Variants in SORBS2 observed in about 807,000 individuals in gnomAD.
SORBS2 encodes the protein sorbin and SH3 domain containing 2.
In SORBS2, 46 loss-of-function variants were observed where a neutral mutation model predicts 97.7. That is an observed-to-expected ratio of 0.47 (90% CI 0.37 to 0.60). SORBS2 has a LOEUF of 0.60. Ranked by LOEUF, SORBS2 falls within the 20% of genes least tolerant of loss-of-function variation. The pLI, the probability that SORBS2 is intolerant of heterozygous loss-of-function variation, is 0.00. For synonymous variants in SORBS2, 476 were observed against 473.4 expected (o/e 1.01, Z -0.07); for missense variants, 1,316 against 1,282.3 (o/e 1.03, Z -0.40).
chr4:185,588,583 C>T lies in SORBS2; in HGVS notation c.2954-895G>A, dbSNP rs970541722. On this transcript the variant is annotated intron_variant, in intron 14 of 14. Coordinates refer to ENST00000418609, the Ensembl canonical transcript of SORBS2. ...TTCCTTGGCTAGGCAAGCCATTTTA[C>T]GTTTCTCCTCCCTCCTCCTCCTCCC... is the stretch of plus-strand genomic sequence containing the variant. 2.0e-4 allele frequency among the ~76,000 whole-genome samples: 11 copies of T among 55,082 alleles called. No individual in the cohort carries two copies. In the South Asian group the frequency reaches 2.8e-3, roughly 14 times the overall value. 36.1% of individuals were successfully genotyped at this position (55,082 alleles called of 152,430 possible).
intron 1 of SORBS2, chr4:185,918,620 T>G (rs2099259461): frequency 6.6e-6 from 1 of 152,206 alleles, no homozygotes; most frequent in Non-Finnish European, 1.5e-5. Context: ...CCCCCATGGC[T>G]CATATTAGAG....
intron 1 of SORBS2, among the ~76,000 whole-genome samples, chr4:185,838,531 G>A (rs551360752): frequency 6.6e-6 from 1 of 152,322 alleles, no homozygotes; most frequent in African/African-American, 2.4e-5. Context: ...CAGCAGATTC[G>A]AGATGCAGTA....
intron 1 of SORBS2, among the ~76,000 whole-genome samples, chr4:185,881,960 CTT>C (rs905280604): frequency 5.5e-4 from 84 of 152,168 alleles, no homozygotes; most frequent in African/African-American, 2.0e-3. Flanking sequence ...TTTTCAAAAT[CTT>C]TGTTTCATTA....
chr4:185,792,264 T>C (rs557331418), intron 1 of SORBS2, among the ~76,000 whole-genome samples: 2 of 152,234 alleles, frequency 1.3e-5, no homozygotes, highest in South Asian at 4.1e-4. Context: ...GAGGCCAAGA[T>C]GGGAGGATCA....
chr4:185,921,591 A>T (rs1352932741), intron 1 of SORBS2, among the ~76,000 whole-genome samples: 1 of 152,212 alleles, frequency 6.6e-6, no homozygotes, highest in African/African-American at 2.4e-5. Flanking sequence ...GGCTGATACA[A>T]CAAGACCCTG....
intron 1 of SORBS2, among the ~76,000 whole-genome samples, chr4:185,939,177 GCAC>G (rs1289338788): frequency 6.6e-6 from 1 of 152,090 alleles, no homozygotes; most frequent in East Asian, 1.9e-4. Flanking sequence ...CACCCTGAAT[GCAC>G]CATTTTACCT....
chr4:185,726,168 C>T lies in SORBS2; in HGVS notation c.-197-47346G>A, dbSNP rs75045565. 2.6e-4 allele frequency among the ~76,000 whole-genome samples: 39 copies of T among 152,214 alleles called. 3 individuals are homozygous for T. The East Asian group carries it at 6.4e-3, about 25-fold the overall frequency. On this transcript the variant is annotated intron_variant, in intron 2 of 20. Coordinates refer to the SORBS2 transcript ENST00000284776. ...TTCATCTTTTGTGAGATGTTTTATTCGTTGAGATTACCTCTAATTACTCTT... is the reference window on the plus strand; with the variant it reads ...TTCATCTTTTGTGAGATGTTTTATTTGTTGAGATTACCTCTAATTACTCTT...
chr4:185,702,294 G>A (rs184369976), intron 2 of SORBS2, among the ~76,000 whole-genome samples: 4 of 152,244 alleles, frequency 2.6e-5, no homozygotes, highest in Admixed American at 2.0e-4. Flanking sequence ...AGGGGAGAAG[G>A]TTAAAGGGAG....
chr4:185,657,554 C>A, upstream of SORBS2: 1 of 1,581,394 alleles, frequency 6.3e-7, no homozygotes, highest in Non-Finnish European at 8.6e-7. Flanking sequence ...GCTGGTGGTG[C>A]CATCCAGAGA....
chr4:185,775,006 A>G lies in SORBS2; in HGVS notation c.-198+221T>C, dbSNP rs2098993137. On this transcript the variant is annotated intron_variant, in intron 2 of 20. Coordinates refer to the SORBS2 transcript ENST00000284776. Reference sequence around the variant, plus strand: ...CTGATCCATGGCTTAGTCATAGTCAAGCGTGTACTGCAGGTCACTATTATG... The same window carrying G: ...CTGATCCATGGCTTAGTCATAGTCAGGCGTGTACTGCAGGTCACTATTATG... The G allele has an allele frequency of 1.3e-5, 2 of 152,100 alleles. 1 individual carries two copies. The highest frequency in any genetic ancestry group is 2.9e-5 in the Non-Finnish European group (2 of 68,032). The allele number at this position is 152,100 out of a possible 1,614,324, so 9.4% of individuals were successfully genotyped here.
intron 11 of SORBS2, among the ~76,000 whole-genome samples, chr4:185,612,386 A>G (rs1404561562): frequency 6.6e-6 from 1 of 152,198 alleles, no homozygotes; most frequent in African/African-American, 2.4e-5. Flanking sequence ...AGAGCTTCAG[A>G]AAGTGCACCA....
chr4:185,649,966 A>G (rs1561668530), intron 2 of SORBS2, among the ~76,000 whole-genome samples: 1 of 152,218 alleles, frequency 6.6e-6, no homozygotes, highest in Non-Finnish European at 1.5e-5. Flanking sequence ...GCACTCAGCA[A>G]ATTTTCTCTT....
intron 2 of SORBS2, among the ~76,000 whole-genome samples, chr4:185,720,913 T>C (rs571460749): frequency 6.6e-6 from 1 of 152,208 alleles, no homozygotes; most frequent in East Asian, 1.9e-4. Flanking sequence ...CGCGTGACCG[T>C]AGGCCCATCG....
chr4:185,690,827 G>A (rs2098079578), intron 2 of SORBS2, among the ~76,000 whole-genome samples: 1 of 151,984 alleles, frequency 6.6e-6, no homozygotes, highest in Non-Finnish European at 1.5e-5. Context: ...GACATATTCT[G>A]TTTTTATGCT....
intron 1 of SORBS2, among the ~76,000 whole-genome samples, chr4:185,945,309 A>G (rs1032426916): frequency 1.3e-5 from 2 of 152,258 alleles, no homozygotes; most frequent in African/African-American, 2.4e-5. Flanking sequence ...TGTTGAATAA[A>G]TGAAGAAACC....
intron 2 of SORBS2, among the ~76,000 whole-genome samples, chr4:185,683,394 G>A (rs2097903399): frequency 6.6e-6 from 1 of 152,174 alleles, no homozygotes; most frequent in South Asian, 2.1e-4. Context: ...TGAGTAGGTT[G>A]GACTGAGATC....
At chr4:185,587,367 C>A in exon 15 of SORBS2, 32 of 240,080 alleles carry the variant, frequency 1.3e-4, no homozygotes, top group Non-Finnish European at 1.7e-4. Context: ...TTTTTTCTTT[C>A]TGATCCCACA....
intron 2 of SORBS2, among the ~76,000 whole-genome samples, chr4:185,652,086 C>T (rs919826893): frequency 2.6e-5 from 4 of 152,126 alleles, no homozygotes; most frequent in Non-Finnish European, 4.4e-5. Context: ...CATTCTCCCA[C>T]ATTAGCCTTC....
At chr4:185,611,824 G>A (rs1345757415) in exon 12 of SORBS2, 1 of 1,613,984 alleles carries the variant, frequency 6.2e-7, no homozygotes, top group Non-Finnish European at 8.5e-7. Context: ...GAATAGCTGT[G>A]GGGTATTGGA....
Sources: gnomAD v4.1 joint callset for allele counts (sites outside exome capture counted in the v4.1 genomes callset) on GRCh38, gnomAD v4.1.1 for gene constraint, MANE v1.5 for transcripts, NCBI Gene and HGNC (gene_info 2026-07-23, HGNC 2026-07-21) for gene names.